Variants in EFHC2 observed in about 807,000 individuals in gnomAD.
EFHC2 encodes the protein EF-hand domain containing 2, also known as EF-hand domain-containing family member C2.
A neutral mutation model predicts 52.7 loss-of-function variants in EFHC2; 18 were observed. The observed-to-expected ratio is 0.34, with a 90% confidence interval of 0.24 to 0.51. The LOEUF is 0.51. Ranked by LOEUF, EFHC2 falls within the 20% of genes least tolerant of loss-of-function variation. EFHC2 has a pLI of 0.97. For missense variants in EFHC2, 513 were observed against 562.5 expected, an observed-to-expected ratio of 0.91 and a Z score of 0.89; for synonymous variants, 203 against 204.1, an observed-to-expected ratio of 0.99 and a Z score of 0.04.
chrX:44,262,293 G>A (rs1243675650), intron 3 of EFHC2, among the ~76,000 whole-genome samples: 3 of 108,030 alleles, frequency 2.8e-5, no homozygotes, highest in East Asian at 2.9e-4. Flanking sequence ...CCAAGAGTTC[G>A]AGACCAGCCT....
At chrX:44,229,920 G>T in intron 10 of EFHC2, 141 bp from the exon 11 acceptor site, 1 of 565,767 alleles carries the variant, frequency 1.8e-6, no homozygotes, top group Middle Eastern at 3.5e-4. Flanking sequence ...AACCAACACC[G>T]AGAAGGCATG....
At chrX:44,333,346 G>A (rs965075734) in intron 1 of EFHC2, among the ~76,000 whole-genome samples, 2 of 111,162 alleles carry the variant, frequency 1.8e-5, no homozygotes, top group Non-Finnish European at 3.8e-5. Flanking sequence ...GGATCTAGAT[G>A]GGAAGAGGAA....
chrX:44,318,007 G>T (rs2037994073), intron 1 of EFHC2, among the ~76,000 whole-genome samples: 1 of 112,280 alleles, frequency 8.9e-6, no homozygotes, highest in South Asian at 3.6e-4. Flanking sequence ...ATATGATCCA[G>T]CAGTTGCACT....
intron 10 of EFHC2, among the ~76,000 whole-genome samples, chrX:44,231,695 T>C (rs979603247): frequency 8.9e-6 from 1 of 111,879 alleles, no homozygotes; most frequent in African/African-American, 3.2e-5. Flanking sequence ...ATTTTATATA[T>C]AAATGAGACA....
intron 1 of EFHC2, among the ~76,000 whole-genome samples, chrX:44,329,762 C>T (rs768071404): frequency 9.2e-5 from 10 of 108,547 alleles, no homozygotes; most frequent in Non-Finnish European, 1.7e-4. Context: ...CCCACCACAC[C>T]GGGCTTTTTT....
At chrX:44,242,052 G>T in intron 8 of EFHC2, 69 bp downstream of exon 8, 1 of 1,033,636 alleles carries the variant, frequency 9.7e-7, no homozygotes, top group South Asian at 2.7e-5. Flanking sequence ...GTTTCGTCAT[G>T]AGAACTATGT....
chrX:44,342,591 C>T (rs1021877435), intron 1 of EFHC2, among the ~76,000 whole-genome samples: 1 of 111,336 alleles, frequency 9.0e-6, no homozygotes, highest in Admixed American at 9.6e-5. Flanking sequence ...AAATGAACCC[C>T]TCCAGGACAG....
intron 1 of EFHC2, among the ~76,000 whole-genome samples, chrX:44,328,580 T>C (rs1468043325): frequency 8.9e-6 from 1 of 112,123 alleles, no homozygotes; most frequent in Admixed American, 9.5e-5. Context: ...AATCTCCCCG[T>C]GACCCCCACC....
Position 44,189,213 on chromosome X carries a change from C to G in EFHC2, c.1752-10649G>C, listed in dbSNP as rs751602189. On this transcript the variant is annotated intron_variant, in intron 11 of 14. Transcript: ENST00000420999. ...TGTTAATAACAGGCACAGACATTAT[C>G]AAGAGCTCAGGGTATGTCAAACATT... Among the ~76,000 whole-genome samples, 18 of 109,172 alleles carry G rather than the reference C, an allele frequency of 1.6e-4. No homozygotes were observed. The South Asian group carries it at 6.5e-3, about 39-fold the overall frequency. The allele number at this position is 109,172 out of a possible 115,157, so 94.8% of individuals were successfully genotyped here.
intron 14 of EFHC2, among the ~76,000 whole-genome samples, chrX:44,153,888 C>A (rs763734752): frequency 8.9e-6 from 1 of 112,088 alleles, no homozygotes; most frequent in East Asian, 2.8e-4. Context: ...TTTATTAATC[C>A]TACACTATGC....
chrX:44,220,571 G>A (rs1372016980), intron 11 of EFHC2, among the ~76,000 whole-genome samples: 1 of 111,437 alleles, frequency 9.0e-6, no homozygotes, highest in African/African-American at 3.3e-5. Flanking sequence ...TTAATTCCCT[G>A]AGGTTCAGGG....
chrX:44,279,294 T>C (rs2037684136), intron 2 of EFHC2, among the ~76,000 whole-genome samples: 1 of 111,925 alleles, frequency 8.9e-6, no homozygotes, highest in African/African-American at 3.2e-5. Context: ...CAGTGAGCCA[T>C]GATCGTGCCA....
At chrX:44,292,518 A>C (rs2037799816) in intron 2 of EFHC2, among the ~76,000 whole-genome samples, 1 of 112,162 alleles carries the variant, frequency 8.9e-6, no homozygotes, top group Non-Finnish European at 1.9e-5. Context: ...ACTCATATGG[A>C]CAATCTGTGG....
At chrX:44,172,908 T>G (rs1216101021) in intron 13 of EFHC2, among the ~76,000 whole-genome samples, 1 of 112,051 alleles carries the variant, frequency 8.9e-6, no homozygotes. Context: ...TGAATTTGCT[T>G]GGTAAGTAAG....
intron 1 of EFHC2, among the ~76,000 whole-genome samples, chrX:44,327,731 G>GAAA (rs1315328689): frequency 9.0e-6 from 1 of 111,677 alleles, no homozygotes; most frequent in Non-Finnish European, 1.9e-5. Context: ...ATAAGAGCAT[G>GAAA]AAAGCCATCA....
At position 44,232,755 on chromosome X, in the gene EFHC2, C is replaced by T. The variant is rs1418432465; in HGVS notation, c.1424-78G>A. 10 of 936,139 alleles carry T rather than the reference C, an allele frequency of 1.1e-5. No individual in the cohort carries two copies. In the South Asian group the frequency reaches 2.1e-4, roughly 19 times the overall value. The allele number at this position is 936,139 out of a possible 1,213,427, so 77.1% of individuals were successfully genotyped here. A position where few individuals can be genotyped will look rare whatever the true frequency, so the allele number is the denominator to read the frequency against. ...TGACTTGCCTTCAGAGTTACTTTATCTTCAAGCACAGACCACCATATAAGT... is the reference window on the plus strand; with the variant it reads ...TGACTTGCCTTCAGAGTTACTTTATTTTCAAGCACAGACCACCATATAAGT... On this transcript the variant is annotated intron_variant, in intron 9 of 14. Coordinates refer to ENST00000420999, the MANE Select transcript of EFHC2 (RefSeq NM_025184.4).
At chrX:44,237,960 T>G (rs768315504) in intron 8 of EFHC2, among the ~76,000 whole-genome samples, 1 of 111,779 alleles carries the variant, frequency 8.9e-6, no homozygotes, top group South Asian at 3.8e-4. Context: ...ATCATGGCTT[T>G]AAATACCATC....
chrX:44,175,893 T>C (rs2036782359), intron 13 of EFHC2, among the ~76,000 whole-genome samples: 2 of 111,792 alleles, frequency 1.8e-5, no homozygotes, highest in African/African-American at 6.5e-5. Context: ...TCTGGTGCTC[T>C]ATCAGGACAG....
chrX:44,260,505 C>T (rs1055595668), intron 4 of EFHC2, among the ~76,000 whole-genome samples: 1 of 111,255 alleles, frequency 9.0e-6, no homozygotes, highest in African/African-American at 3.3e-5. Context: ...TACTCCCTTA[C>T]ACTAGCTGGG....
Sources: gnomAD v4.1 joint callset for allele counts (sites outside exome capture counted in the v4.1 genomes callset) on GRCh38, gnomAD v4.1.1 for gene constraint, MANE v1.5 for transcripts, NCBI Gene and HGNC (gene_info 2026-07-23, HGNC 2026-07-21) for gene names.